ZNF578: variants seen among roughly 807,000 people sequenced by gnomAD.
The protein encoded by ZNF578 is zinc finger protein 578, also known as Putative chemokine-related protein B42.
In ZNF578, 8 loss-of-function variants were observed where a neutral mutation model predicts 8.3. The observed-to-expected ratio is 0.96, with a 90% CI of 0.56 to 1.74. The LOEUF (loss-of-function observed/expected upper bound fraction) is 1.74. Among genes scored for constraint, ZNF578 ranks in the 40% most tolerant of loss-of-function variants. ZNF578 has a pLI of 0.00. For synonymous variants in ZNF578, 206 were observed against 232.2 expected, an observed-to-expected ratio of 0.89 and a Z score of 1.03; for missense variants, 726 against 707.5, an observed-to-expected ratio of 1.03 and a Z score of -0.30.
chr19:52,502,856 A>G (rs1373449334), intron 4 of ZNF578, among the ~76,000 whole-genome samples: 4 of 152,188 alleles, frequency 2.6e-5, no homozygotes, highest in Middle Eastern at 3.4e-3. Flanking sequence ...CCTCCTTTAG[A>G]CTCCCAAAGA....
At chr19:52,493,020 C>G (rs1036920901) in intron 3 of ZNF578, among the ~76,000 whole-genome samples, 2 of 152,214 alleles carry the variant, frequency 1.3e-5, no homozygotes, top group Admixed American at 6.5e-5. Flanking sequence ...GGAGTTGCTT[C>G]CTTTTGGGTT....
At chr19:52,485,903 A>G (rs2059343812) in intron 2 of ZNF578, among the ~76,000 whole-genome samples, 1 of 152,168 alleles carries the variant, frequency 6.6e-6, no homozygotes, top group Admixed American at 6.5e-5. Flanking sequence ...ACAGTCTGAA[A>G]TATGGCCTCG....
intron 3 of ZNF578, among the ~76,000 whole-genome samples, chr19:52,493,940 A>G (rs1395342511): frequency 6.7e-6 from 1 of 150,182 alleles, no homozygotes; most frequent in Non-Finnish European, 1.5e-5. Flanking sequence ...TGGTGAGCCG[A>G]GATCTCACCA....
intron 2 of ZNF578, among the ~76,000 whole-genome samples, chr19:52,461,469 A>G (rs751260093): frequency 1.6e-4 from 25 of 152,178 alleles, no homozygotes; most frequent in Admixed American, 7.2e-4. Flanking sequence ...ATGTAAAGCA[A>G]TTCCAGCAGC....
At chr19:52,504,840 TG>T in intron 5 of ZNF578, 59 bp downstream of exon 5, 2 of 1,596,590 alleles carry the variant, frequency 1.3e-6, no homozygotes, top group Non-Finnish European at 1.7e-6. Flanking sequence ...TGGCTCTTCC[TG>T]GTTTTGTATT....
At chr19:52,459,129 T>C (rs1211654188) in intron 2 of ZNF578, among the ~76,000 whole-genome samples, 1 of 152,230 alleles carries the variant, frequency 6.6e-6, no homozygotes, top group Non-Finnish European at 1.5e-5. Context: ...TTATGTCTTT[T>C]AGTAAAGTTT....
At chr19:52,493,047 C>T (rs1209167098) in intron 3 of ZNF578, among the ~76,000 whole-genome samples, 1 of 152,222 alleles carries the variant, frequency 6.6e-6, no homozygotes, top group Non-Finnish European at 1.5e-5. Flanking sequence ...CGTCCGGAGG[C>T]TGGTCCAGTC....
chr19:52,484,414 G>T (rs2059337726), intron 2 of ZNF578, among the ~76,000 whole-genome samples: 1 of 152,142 alleles, frequency 6.6e-6, no homozygotes, highest in Non-Finnish European at 1.5e-5. Flanking sequence ...TGTCGGGCTA[G>T]GGGATGGTCA....
At chr19:52,493,081 G>A (rs62119310) in intron 3 of ZNF578, among the ~76,000 whole-genome samples, 105,709 of 152,008 alleles carry the variant, frequency 0.7, 36,910 homozygotes, top group Middle Eastern at 0.77. Flanking sequence ...CTGTAGGGCA[G>A]TGTATACACT....
rs530263111 is a variant in ZNF578, at chr19:52,500,351, A to G, written c.-19-1476A>G. Reference sequence around the variant, plus strand: ...AAGGCAGGAAGACTTGAAGCAGGGAAGGGGCTTTTAGGTCACAGAGAACTG... The same window carrying G: ...AAGGCAGGAAGACTTGAAGCAGGGAGGGGGCTTTTAGGTCACAGAGAACTG... On this transcript the variant is annotated intron_variant, in intron 3 of 5. Transcript: ENST00000421239. 1.3e-4 allele frequency among the ~76,000 whole-genome samples: 20 copies of G among 151,714 alleles called. No homozygotes were observed. In the Middle Eastern group the frequency reaches 0.01, roughly 78 times the overall value.
chr19:52,512,431 T>C lies in ZNF578; in HGVS notation c.*277T>C, dbSNP rs61739360. 2 of 1,435,690 alleles carry C rather than the reference T, an allele frequency of 1.4e-6. No individual in the cohort carries two copies. The highest frequency in any genetic ancestry group is 2.3e-5 in the East Asian group (1 of 43,348). 88.9% of individuals were successfully genotyped at this position (1,435,690 alleles called of 1,614,324 possible). ...CCATAATGAAGAGAGATCTTCCGAG[T>C]GTAATAAATGTGGCAAATTTTTCAG... On this transcript the variant is annotated 3_prime_UTR_variant, in exon 6 of 6. Transcript: ENST00000421239.
At chr19:52,470,351 C>T (rs922074386) in intron 2 of ZNF578, among the ~76,000 whole-genome samples, 2 of 152,078 alleles carry the variant, frequency 1.3e-5, no homozygotes, top group African/African-American at 2.4e-5. Flanking sequence ...GCGCTGCACT[C>T]CAAAAGAACT....
rs780797865 is a variant in ZNF578 at position 52,510,677 on chromosome 19, G to T, written c.296G>T (p.Gly99Val). The T allele has an allele frequency of 6.2e-6, 10 of 1,613,382 alleles. No individual in the cohort carries two copies. The Admixed American group carries it at 1.0e-4, about 16-fold the overall frequency. The change falls in exon 6 of 6, where the codon GGA (glycine) becomes GTA (valine). Residue 99 changes from glycine to valine, a missense_variant. Gly to Val is a moderately radical substitution (Grantham distance 109). Coordinates refer to ENST00000421239, the MANE Select transcript of ZNF578 (RefSeq NM_001099694.2). ...CAAAGACATGAAAGTTATCACACTG[G>T]AGATTTTTGCTTCCAGGAAATTGAA... is the stretch of plus-strand genomic sequence containing the variant. The part of the protein sequence containing the change: ...MLQRHESYHT[G>V]DFCFQEIEKD...
chr19:52,506,152 G>A (rs1037401813), intron 5 of ZNF578, among the ~76,000 whole-genome samples: 1 of 151,996 alleles, frequency 6.6e-6, no homozygotes, highest in East Asian at 1.9e-4. Context: ...CACTTGCCTC[G>A]GATTCCAAAC....
intron 2 of ZNF578, among the ~76,000 whole-genome samples, chr19:52,481,276 TC>T (rs2059325510): frequency 6.6e-6 from 1 of 152,228 alleles, no homozygotes; most frequent in African/African-American, 2.4e-5. Flanking sequence ...TTCCTTCATG[TC>T]CTCCTATCCC....
chr19:52,469,717 A>G (rs2059286252), intron 2 of ZNF578, among the ~76,000 whole-genome samples: 2 of 152,200 alleles, frequency 1.3e-5, no homozygotes, highest in Admixed American at 1.3e-4. Flanking sequence ...GGAGAACCAA[A>G]GAACATAATG....
At chr19:52,466,466 A>G (rs1156260266) in intron 2 of ZNF578, among the ~76,000 whole-genome samples, 1 of 152,154 alleles carries the variant, frequency 6.6e-6, no homozygotes, top group African/African-American at 2.4e-5. Context: ...TGGCCAGTTT[A>G]TACAGGCACC....
At chr19:52,492,927 G>A (rs558055224) in intron 3 of ZNF578, 1 of 152,388 alleles carries the variant, frequency 6.6e-6, no homozygotes, top group East Asian at 1.9e-4. Flanking sequence ...TCTGTCCCTA[G>A]GACTTTGGGT....
In ZNF578 at chr19:52,512,886, A is replaced by G. The variant is rs1362766417; in HGVS notation, c.*732A>G. On this transcript the variant is annotated 3_prime_UTR_variant, in exon 6 of 6. Coordinates refer to ENST00000421239, the MANE Select transcript of ZNF578 (RefSeq NM_001099694.2). Reference sequence around the variant, plus strand: ...CTTAATTGACATGCAGGTGTTTATGATAAGAGGATTGGGCCAGGTGCAGTG... The same window carrying G: ...CTTAATTGACATGCAGGTGTTTATGGTAAGAGGATTGGGCCAGGTGCAGTG... Among the ~76,000 whole-genome samples the G allele has an allele frequency of 2.0e-5, 3 of 152,192 alleles. No homozygotes were observed. Among genetic ancestry groups the G allele is most frequent in the African/African-American group, 7.2e-5 (3 of 41,456 alleles).
Sources: gnomAD v4.1 joint callset for allele counts (sites outside exome capture counted in the v4.1 genomes callset) on GRCh38, gnomAD v4.1.1 for gene constraint, MANE v1.5 for transcripts, NCBI Gene and HGNC (gene_info 2026-07-23, HGNC 2026-07-21) for gene names.